C7: variants seen among roughly 807,000 people sequenced by gnomAD.
C7 encodes complement C7.
C7 carries 83 observed loss-of-function variants against 104.8 expected under a neutral mutation model. That is an observed-to-expected ratio of 0.79 (90% CI 0.66 to 0.95). C7 has a LOEUF of 0.95. Among genes scored for constraint, C7 ranks in the 40% least tolerant of loss-of-function variants. C7 has a pLI of 0.00. For synonymous variants in C7, 415 were observed against 360.6 expected, an observed-to-expected ratio of 1.15 and a Z score of -1.71; for missense variants, 1,070 against 1,011.2, an observed-to-expected ratio of 1.06 and a Z score of -0.79.
chr5:40,979,829 T>C lies in C7; in HGVS notation c.2270T>C (p.Leu757Pro), dbSNP rs1026952032. 1 of 1,613,662 alleles carries C rather than the reference T, an allele frequency of 6.2e-7. No individual in the cohort carries two copies. The highest frequency in any genetic ancestry group is 8.5e-7 in the Non-Finnish European group (1 of 1,179,672). The change falls in exon 17 of 18, where the codon CTT (leucine) becomes CCT (proline). Residue 757 changes from leucine to proline, a missense_variant. Transcript: ENST00000313164. Reference sequence around the variant, plus strand: ...CACTGTCAGGGTAGAAATTACACCCTTACTGGTAGGGACAGCTGTACTCTG... The same window carrying C: ...CACTGTCAGGGTAGAAATTACACCCCTACTGGTAGGGACAGCTGTACTCTG... ...VLHCQGRNYT[L>P]TGRDSCTLPA...
chr5:40,925,179 C>A (rs1161009062), intron 1 of C7, among the ~76,000 whole-genome samples: 1 of 152,134 alleles, frequency 6.6e-6, no homozygotes, highest in Non-Finnish European at 1.5e-5. Context: ...GCTCTTAAAT[C>A]TGAGTGTAGG....
intron 15 of C7, among the ~76,000 whole-genome samples, chr5:40,973,316 T>G (rs968746573): frequency 6.6e-6 from 1 of 152,228 alleles, no homozygotes; most frequent in Admixed American, 6.5e-5. Context: ...AATATTGTAT[T>G]TGTAACAAAA....
rs1158543384 is a variant in C7, at chr5:40,959,551, G to T, written c.1592G>T (p.Gly531Val). 2 of 1,610,932 alleles carry T rather than the reference G, an allele frequency of 1.2e-6. No individual in the cohort carries two copies. The highest frequency in any genetic ancestry group is 1.3e-5 in the African/African-American group (1 of 74,956). ...RECNNPPPSG[G>V]GRSCVGETTE... ...TGCAATAACCCACCTCCCAGTGGGG[G>T]TGGGAGATCCTGCGTTGGAGAAACG... Residue 531 changes from glycine (G) to valine (V), a missense_variant, in exon 12 of 18, where the codon GGT becomes GTT. Physicochemically the swap from Gly to Val is moderately radical, Grantham distance 109. Transcript: ENST00000313164.
At chr5:40,971,388 T>C (rs956140383) in intron 14 of C7, among the ~76,000 whole-genome samples, 2 of 152,256 alleles carry the variant, frequency 1.3e-5, no homozygotes, top group African/African-American at 4.8e-5. Context: ...TGTCTTCTTT[T>C]GAGAAATGTC....
intron 1 of C7, among the ~76,000 whole-genome samples, chr5:40,911,658 G>A (rs1389353077): frequency 6.6e-6 from 1 of 152,148 alleles, no homozygotes. Context: ...ATGATAAAGA[G>A]GAGAAGATAA....
chr5:40,923,922 GAGAT>G (rs1739496331), intron 1 of C7, among the ~76,000 whole-genome samples: 1 of 139,890 alleles, frequency 7.1e-6, no homozygotes, highest in African/African-American at 2.7e-5. Flanking sequence ...ATTTCAACAT[GAGAT>G]TTGAAAGGGA....
At chr5:40,974,976 C>CA (rs1387025558) in intron 15 of C7, among the ~76,000 whole-genome samples, 3 of 152,168 alleles carry the variant, frequency 2.0e-5, no homozygotes, top group African/African-American at 7.2e-5. Flanking sequence ...TAGCATCCTC[C>CA]TATGTCAATA....
In C7 at chr5:40,976,786, G is replaced by A. The variant is rs568728635; in HGVS notation, c.2111G>A (p.Arg704His). The change falls in exon 16 of 18, where the codon CGC becomes CAC. Residue 704 changes from arginine (R) to histidine (H), a missense_variant. Coordinates refer to ENST00000313164, the MANE Select transcript of C7 (RefSeq NM_000587.4). ...PLTQAVPKCQ[R>H]WEKLQNSRCV... is the part of the protein sequence containing the mutation. ...ACACAGGCAGTGCCTAAATGTCAGC[G>A]CTGGGAGAAACTGCAGAATTCAAGA... 2.2e-5 allele frequency: 36 copies of A among 1,606,266 alleles called. No individual in the cohort carries two copies. The highest frequency in any genetic ancestry group is 1.1e-4 in the African/African-American group (8 of 74,956).
chr5:40,978,641 G>A (rs2111728029), intron 16 of C7, among the ~76,000 whole-genome samples: 1 of 152,148 alleles, frequency 6.6e-6, no homozygotes, highest in Middle Eastern at 3.4e-3. Context: ...TGTAGCTTTT[G>A]GTAGAAAAGG....
intron 9 of C7, among the ~76,000 whole-genome samples, chr5:40,952,188 T>A (rs1219912603): frequency 2.0e-5 from 3 of 152,220 alleles, no homozygotes; most frequent in Non-Finnish European, 1.5e-5. Context: ...TTAAGTGATG[T>A]ACAAAAATAA....
At chr5:40,951,493 G>GAA (rs373961715) in intron 9 of C7, among the ~76,000 whole-genome samples, 1 of 152,128 alleles carries the variant, frequency 6.6e-6, no homozygotes, top group Middle Eastern at 3.2e-3. Flanking sequence ...ATCAAGGGTT[G>GAA]AAAAACTAAC....
rs534426451 is a variant in C7, at chr5:40,946,092, T to G, written c.738+724T>G. Among the ~76,000 whole-genome samples, 24 of 151,932 alleles carry G rather than the reference T, an allele frequency of 1.6e-4. 1 individual carries two copies. In the South Asian group the frequency reaches 2.5e-3, roughly 16 times the overall value. ...AATTTTAAAAAATCTAATTAATGCT[T>G]ATATATGCTTCTTAAATGCAAATGC... On this transcript the variant is annotated intron_variant, in intron 7 of 17. Transcript: ENST00000313164.
chr5:40,971,215 G>C (rs543530605), intron 14 of C7, among the ~76,000 whole-genome samples: 1 of 152,092 alleles, frequency 6.6e-6, no homozygotes, highest in Admixed American at 6.6e-5. Context: ...GTGTAAAAGC[G>C]TTCCTATTTC....
intron 5 of C7, among the ~76,000 whole-genome samples, 178 bp downstream of exon 5, chr5:40,936,663 T>C (rs905321568): frequency 1.3e-5 from 2 of 152,180 alleles, no homozygotes; most frequent in Admixed American, 6.5e-5. Context: ...TACCTGTAGA[T>C]ACATGTGGTA....
intron 14 of C7, among the ~76,000 whole-genome samples, chr5:40,966,079 C>G (rs548764783): frequency 2.0e-5 from 3 of 151,736 alleles, no homozygotes; most frequent in African/African-American, 7.3e-5. Flanking sequence ...CTGTCTTTTT[C>G]TTATTTTTTA....
chr5:40,929,584 A>C (rs1038529269), intron 2 of C7, among the ~76,000 whole-genome samples: 1 of 152,174 alleles, frequency 6.6e-6, no homozygotes. Flanking sequence ...GATATTGCCC[A>C]GCCGAGGAAT....
Position 40,959,445 on chromosome 5 carries a change from G to A in C7, c.1490-4G>A, listed in dbSNP as rs2111667788. On this transcript the variant is annotated splice_polypyrimidine_tract_variant and splice_region_variant and intron_variant, in intron 11 of 17. Transcript: ENST00000313164. ...TATTGATCAACCTCTTTCTCATCTT[G>A]TAGGAGGGGTTGATGGAGGTTGGAG... 6.2e-7 allele frequency: 1 copy of A among 1,608,438 alleles called. No individual in the cohort carries two copies. Among genetic ancestry groups the A allele is most frequent in the South Asian group, 1.1e-5 (1 of 89,932 alleles).
chr5:40,941,062 C>CTTT (rs35003828), intron 6 of C7, among the ~76,000 whole-genome samples: 2 of 138,922 alleles, frequency 1.4e-5, no homozygotes, highest in African/African-American at 5.3e-5. Context: ...AGGAACACTT[C>CTTT]TTTTTTTTTT....
chr5:40,917,227 A>G (rs1476578874), intron 1 of C7, among the ~76,000 whole-genome samples: 1 of 152,012 alleles, frequency 6.6e-6, no homozygotes, highest in Non-Finnish European at 1.5e-5. Flanking sequence ...CCTTCTATGT[A>G]ACTGAAGTTT....
Sources: allele counts gnomAD v4.1 joint callset (sites outside exome capture counted in the v4.1 genomes callset), GRCh38; gene constraint gnomAD v4.1.1; transcripts MANE v1.5; gene names NCBI Gene and HGNC (gene_info 2026-07-23, HGNC 2026-07-21).